SSX2IP: variants seen among roughly 807,000 people sequenced by gnomAD.
SSX2IP encodes the protein afadin- and alpha-actinin-binding protein.
Under a neutral mutation model 84.9 loss-of-function variants are expected in SSX2IP, and 55 were observed. That is an observed-to-expected ratio of 0.65 (90% CI 0.52 to 0.81). The LOEUF is 0.81. Ranked by LOEUF, SSX2IP falls within the 30% of genes least tolerant of loss-of-function variation. The pLI, the probability that SSX2IP is intolerant of heterozygous loss-of-function variation, is 0.00. For missense variants in SSX2IP, 664 were observed against 705.2 expected, an observed-to-expected ratio of 0.94 and a Z score of 0.66; for synonymous variants, 239 against 234.7, an observed-to-expected ratio of 1.02 and a Z score of -0.17.
intron 13 of SSX2IP, chr1:84,649,913 C>G: frequency 1.9e-6 from 1 of 531,586 alleles, no homozygotes; most frequent in Non-Finnish European, 3.7e-6. Context: ...AAATCTTTTT[C>G]ACTCAACAGG....
intron 1 of SSX2IP, among the ~76,000 whole-genome samples, chr1:84,678,382 C>A (rs923468441): frequency 6.6e-6 from 1 of 152,164 alleles, no homozygotes; most frequent in African/African-American, 2.4e-5. Flanking sequence ...TATTTCAAAA[C>A]TAATGCTTTT....
intron 1 of SSX2IP, 96 bp from the exon 2 acceptor site, chr1:84,671,404 C>A: frequency 9.0e-7 from 1 of 1,110,750 alleles, no homozygotes; most frequent in Non-Finnish European, 1.2e-6. Context: ...TGCTTCAAAA[C>A]AGAAGGATTT....
intron 1 of SSX2IP, among the ~76,000 whole-genome samples, chr1:84,688,604 A>T (rs970843313): frequency 6.6e-6 from 1 of 152,242 alleles, no homozygotes; most frequent in Admixed American, 6.5e-5. Flanking sequence ...AAGTACTAGG[A>T]GATCCCAAGT....
chr1:84,677,209 T>C (rs914753829), intron 1 of SSX2IP, among the ~76,000 whole-genome samples: 13 of 152,232 alleles, frequency 8.5e-5, no homozygotes, highest in African/African-American at 2.9e-4. Context: ...GGAACTTATA[T>C]ACTAATTAAG....
intron 1 of SSX2IP, among the ~76,000 whole-genome samples, chr1:84,674,413 C>G (rs899620752): frequency 6.6e-6 from 1 of 152,078 alleles, no homozygotes; most frequent in African/African-American, 2.4e-5. Flanking sequence ...GATCTAGAGA[C>G]AGATATCTTT....
chr1:84,662,978 A>C (rs547175331), intron 6 of SSX2IP, among the ~76,000 whole-genome samples: 3 of 152,162 alleles, frequency 2.0e-5, no homozygotes, highest in Non-Finnish European at 4.4e-5. Context: ...CTACTTGTTT[A>C]TATACTGCCT....
intron 13 of SSX2IP, 144 bp from the exon 14 acceptor site, chr1:84,647,751 G>GAA: frequency 2.7e-6 from 1 of 373,310 alleles, no homozygotes; most frequent in Non-Finnish European, 4.0e-6. Context: ...AATTTTACTT[G>GAA]GAAAAAAAAA....
chr1:84,664,606 A>G, intron 5 of SSX2IP, 54 bp from the exon 6 acceptor site: 1 of 1,446,554 alleles, frequency 6.9e-7, no homozygotes, highest in Non-Finnish European at 9.1e-7. Context: ...AATTTGAAAG[A>G]GAAAAATCCT....
In SSX2IP at chr1:84,650,351, T is replaced by C. The variant is rs1460304782; in HGVS notation, c.1670+11A>G. The stretch of plus-strand genomic sequence containing the variant: ...TAGAAACACGTGAAAAGATCACCTA[T>C]AGACAAATACCTATGTTCAGATATG... On this transcript the variant is annotated intron_variant, in intron 13 of 13. Transcript: ENST00000342203. The C allele has an allele frequency of 1.9e-6, 3 of 1,614,114 alleles. No homozygotes were observed. Among genetic ancestry groups the C allele is most frequent in the East Asian group, 2.2e-5 (1 of 44,886 alleles).
intron 13 of SSX2IP, chr1:84,649,983 A>C: frequency 1.7e-6 from 1 of 604,704 alleles, no homozygotes; most frequent in Non-Finnish European, 3.1e-6. Flanking sequence ...GCCGGAAAAA[A>C]GTGTTAAGAT....
intron 11 of SSX2IP, chr1:84,652,293 C>A (rs763178334): frequency 1.1e-4 from 28 of 257,986 alleles, no homozygotes; most frequent in Middle Eastern, 1.4e-3. Context: ...CATGGTGGCA[C>A]AGGACTACAG....
intron 11 of SSX2IP, chr1:84,652,274 T>C (rs1650363052): frequency 6.6e-6 from 2 of 304,740 alleles, no homozygotes; most frequent in East Asian, 6.0e-5. Context: ...AATACAAACA[T>C]CAGCTGGGCA....
Position 84,669,687 on chromosome 1 carries a change from T to C in SSX2IP, c.420A>G (p.Lys140=), listed in dbSNP as rs1557504364. The stretch of plus-strand genomic sequence containing the variant: ...ATGGATCTGCAATTTCTACCTTAAG[T>C]TTTGAGTAGCAGCTCTGTAGATGGT... ...DMDHLQSCYS[K]LKEQLETSRR... is the part of the protein sequence containing the mutation. The change falls in exon 4 of 14, where the codon AAA becomes AAG. Residue 140 remains lysine (K), a synonymous_variant. Transcript: ENST00000342203. The C allele has an allele frequency of 6.2e-7, 1 of 1,613,148 alleles. No homozygotes were observed.
chr1:84,670,460 C>T, intron 3 of SSX2IP, 186 bp downstream of exon 3: 1 of 390,210 alleles, frequency 2.6e-6, no homozygotes. Flanking sequence ...GGCCAAGGTG[C>T]TCCACACAAA....
intron 2 of SSX2IP, 108 bp downstream of exon 2, chr1:84,671,067 GTC>G (rs879256776): frequency 7.0e-5 from 90 of 1,290,610 alleles, no homozygotes; most frequent in Admixed American, 1.0e-4. Context: ...ACAACGATTT[GTC>G]TCTCTTTAGT....
chr1:84,688,925 A>G (rs1656187663), intron 1 of SSX2IP, among the ~76,000 whole-genome samples: 1 of 152,192 alleles, frequency 6.6e-6, no homozygotes, highest in Non-Finnish European at 1.5e-5. Context: ...CCAGTCACTA[A>G]AAGAGCCTTC....
chr1:84,669,816 T>C lies in SSX2IP; in HGVS notation c.291A>G (p.Val97=), dbSNP rs944594846. ...GKETKRELNI[V]AVLNCMNELL... ...GCTCATTCATACAATTTAGTACAGC[T>C]ACTATATTTAACTCTCTCTTTGTCT... Residue 97 remains valine, a synonymous_variant, in exon 4 of 14, where the codon GTA becomes GTG. Transcript: ENST00000342203. 6.2e-7 allele frequency: 1 copy of C among 1,613,694 alleles called. No individual in the cohort carries two copies. Among genetic ancestry groups the C allele is most frequent in the Non-Finnish European group, 8.5e-7 (1 of 1,179,694 alleles).
At chr1:84,656,614 G>C in intron 9 of SSX2IP, 130 bp from the exon 10 acceptor site, 1 of 732,460 alleles carries the variant, frequency 1.4e-6, no homozygotes, top group Non-Finnish European at 1.9e-6. Context: ...TTTCTAAAAA[G>C]TAGTTACGTC....
intron 11 of SSX2IP, among the ~76,000 whole-genome samples, chr1:84,653,187 A>C (rs1261726018): frequency 6.6e-6 from 1 of 152,250 alleles, no homozygotes; most frequent in African/African-American, 2.4e-5. Flanking sequence ...ATGGAACAGA[A>C]TATTAGCATA....
Sources: gnomAD v4.1 joint callset for allele counts (sites outside exome capture counted in the v4.1 genomes callset) on GRCh38, gnomAD v4.1.1 for gene constraint, MANE v1.5 for transcripts, NCBI Gene and HGNC (gene_info 2026-07-23, HGNC 2026-07-21) for gene names.